The following TEP1 variants were observed in gnomAD, a reference collection of about 807,000 sequenced individuals.
The protein encoded by TEP1 is telomerase protein component 1.
Under a neutral mutation model 306.3 loss-of-function variants are expected in TEP1, and 241 were observed. The ratio of observed to expected loss-of-function variants is 0.79; its 90% confidence interval spans 0.71 to 0.88. The LOEUF is 0.88. TEP1 is among the 40% of genes least tolerant of loss of function. TEP1 has a pLI of 0.00. For synonymous variants in TEP1, 1,289 were observed against 1,305.5 expected (o/e 0.99, Z 0.27); for missense variants, 3,051 against 3,276.1 (o/e 0.93, Z 1.68).
At chr14:20,385,249 T>G in intron 20 of TEP1, 140 bp from the exon 21 acceptor site, 3 of 990,728 alleles carry the variant, frequency 3.0e-6, no homozygotes, top group Non-Finnish European at 4.3e-6. Flanking sequence ...ATATAGCTAA[T>G]AGCTAATGTT....
At chr14:20,408,515 T>A (rs894624162) in intron 1 of TEP1, 52 bp from the exon 2 acceptor site, 22 of 1,413,438 alleles carry the variant, frequency 1.6e-5, no homozygotes, top group Non-Finnish European at 2.0e-5. Flanking sequence ...TGAGCGTGTA[T>A]TTGCATGAGA....
At chr14:20,404,147 G>A (rs776444186) in intron 5 of TEP1, among the ~76,000 whole-genome samples, 10 of 152,114 alleles carry the variant, frequency 6.6e-5, no homozygotes, top group Non-Finnish European at 1.2e-4. Flanking sequence ...CTGAGGTCAG[G>A]CGTTCAAGAC....
At chr14:20,406,746 C>G (rs530561169) in intron 2 of TEP1, among the ~76,000 whole-genome samples, 1 of 152,286 alleles carries the variant, frequency 6.6e-6, no homozygotes, top group East Asian at 1.9e-4. Context: ...AGGGCAAAGC[C>G]CCATATTAAT....
At chr14:20,391,561 C>G (rs1877720373) in intron 13 of TEP1, 38 bp downstream of exon 13, 3 of 1,587,654 alleles carry the variant, frequency 1.9e-6, no homozygotes, top group Non-Finnish European at 2.6e-6. Flanking sequence ...AGCATTCTAC[C>G]AACCCAACCC....
rs532418954 is a variant in TEP1, at chr14:20,369,254, C to T, written c.7656+90G>A. 47 of 1,342,996 alleles carry T rather than the reference C, an allele frequency of 3.5e-5. No individual in the cohort carries two copies. The African/African-American group carries it at 4.6e-4, about 13-fold the overall frequency. 83.2% of individuals were successfully genotyped at this position (1,342,996 alleles called of 1,614,324 possible). ...TGATCTCCTGACCTCATTATCTGCC[C>T]GCCTAGGCCTCCCAAAGTGCTGGGA... On this transcript the variant is annotated intron_variant, in intron 53 of 54. Transcript: ENST00000262715.
At chr14:20,409,617 G>C (rs906456541) in intron 1 of TEP1, among the ~76,000 whole-genome samples, 1 of 152,120 alleles carries the variant, frequency 6.6e-6, no homozygotes, top group Non-Finnish European at 1.5e-5. Flanking sequence ...TTGCCCACTG[G>C]AGTTGGAAGT....
chr14:20,395,929 C>T lies in TEP1; in HGVS notation c.1680G>A (p.Arg560=). ...CGTTAAGAAATCTGAATGGAAACTGCCGACTGTGGATCACCGACTTCTAGA... is the reference window on the plus strand; with the variant it reads ...CGTTAAGAAATCTGAATGGAAACTGTCGACTGTGGATCACCGACTTCTAGA... ...LQHAKSVIHS[R]QFPFRFLNAH... is the part of the protein sequence containing the mutation. The change falls in exon 11 of 55, where the codon CGG becomes CGA. Residue 560 remains arginine (R), a synonymous_variant. Coordinates refer to ENST00000262715, the MANE Select transcript of TEP1 (RefSeq NM_007110.5). 1 of 1,613,956 alleles carries T rather than the reference C, an allele frequency of 6.2e-7. No homozygotes were observed. Among genetic ancestry groups the T allele is most frequent in the Middle Eastern group, 1.6e-4 (1 of 6,062 alleles).
intron 1 of TEP1, among the ~76,000 whole-genome samples, chr14:20,410,729 T>C (rs909460973): frequency 1.0e-4 from 15 of 145,840 alleles, no homozygotes; most frequent in Admixed American, 4.1e-4. Flanking sequence ...TGTGAGCCAC[T>C]GTGCCTGGCG....
At chr14:20,380,886 G>A in intron 33 of TEP1, 45 bp downstream of exon 33, 1 of 1,521,878 alleles carries the variant, frequency 6.6e-7, no homozygotes, top group Non-Finnish European at 9.1e-7. Context: ...GCACACCCAG[G>A]AGTCCCATAT....
At chr14:20,385,169 C>G in intron 20 of TEP1, 60 bp from the exon 21 acceptor site, 1 of 1,598,784 alleles carries the variant, frequency 6.3e-7, no homozygotes, top group Non-Finnish European at 8.5e-7. Flanking sequence ...TCCCTCCAGA[C>G]CTGCCAAGGC....
At chr14:20,398,045 G>T (rs1878347466) in intron 9 of TEP1, among the ~76,000 whole-genome samples, 1 of 151,656 alleles carries the variant, frequency 6.6e-6, no homozygotes, top group African/African-American at 2.4e-5. Context: ...GAGCCACCAT[G>T]CCCAGCCCAT....
chr14:20,376,375 C>T (rs1885178702), intron 41 of TEP1, 111 bp from the exon 42 acceptor site: 2 of 1,133,396 alleles, frequency 1.8e-6, no homozygotes, highest in Admixed American at 5.3e-5. Context: ...ACCTGAGGCT[C>T]AGCTCCATGG....
At chr14:20,407,802 A>T in intron 2 of TEP1, 71 bp downstream of exon 2, 1 of 1,328,834 alleles carries the variant, frequency 7.5e-7, no homozygotes, top group Non-Finnish European at 1.0e-6. Flanking sequence ...GGAAACTGAG[A>T]CACTGAAAGC....
Position 20,390,945 on chromosome 14 carries a change from T to C in TEP1, c.2249A>G (p.Gln750Arg). ...GGGTGTTGAGTGTCTGACCTGGACT[T>C]GAGCCTGGAGCTTGATGGCAGTCTT... ...ILKTAIKLQA[Q>R]VQEFDENDGW... Residue 750 changes from glutamine (Q) to arginine (R), a missense_variant, in exon 14 of 55, where the codon CAA becomes CGA. Gln to Arg is a conservative substitution (Grantham distance 43, BLOSUM62 1). Coordinates refer to ENST00000262715, the MANE Select transcript of TEP1 (RefSeq NM_007110.5). 1 of 1,614,126 alleles carries C rather than the reference T, an allele frequency of 6.2e-7. No homozygotes were observed.
intron 47 of TEP1, 32 bp from the exon 48 acceptor site, chr14:20,373,179 C>T (rs1347390918): frequency 1.2e-5 from 19 of 1,613,800 alleles, no homozygotes; most frequent in Non-Finnish European, 1.5e-5. Flanking sequence ...TCATTAGGAG[C>T]TGGGATACTG....
Position 20,378,051 on chromosome 14 carries a change from C to T in TEP1, c.5694G>A (p.Gln1898=). 1 of 1,613,738 alleles carries T rather than the reference C, an allele frequency of 6.2e-7. No individual in the cohort carries two copies. Among genetic ancestry groups the T allele is most frequent in the South Asian group, 1.1e-5 (1 of 91,078 alleles). The change falls in exon 39 of 55, where the codon CAG becomes CAA. Residue 1898 remains glutamine (Q), a synonymous_variant. Transcript: ENST00000262715. ...TGCCATCCTCTCCAGCCGTCAGTAA[C>T]TGGCAACCCGCATGCAGGAAAAGCG... is the stretch of plus-strand genomic sequence containing the variant. ...AAALFLHAGC[Q]LLTAGEDGKV...
At position 20,379,949 on chromosome 14, in the gene TEP1, A is replaced by G. The variant is rs752140895; in HGVS notation, c.5108T>C (p.Leu1703Ser). Residue 1703 changes from leucine (L) to serine (S), a missense_variant, in exon 35 of 55, where the codon TTG (leucine) becomes TCG (serine). Leu to Ser is a moderately radical substitution (Grantham distance 145). This residue lies in a region of TEP1 where 1,540 missense variants were observed against 1,705.9 expected (regional missense o/e 0.90). Coordinates refer to ENST00000262715, the MANE Select transcript of TEP1 (RefSeq NM_007110.5). ...VGTANGTVYLLDLRTWQEEKS... is the reference protein window; with the variant it reads ...VGTANGTVYLSDLRTWQEEKS... ...TCATACCTGCCAAGTTCTCAGGTCC[A>G]ACAGGTAAACTGTCCCATTGGCAGT... The G allele has an allele frequency of 3.1e-6, 5 of 1,613,076 alleles. No individual in the cohort carries two copies. In the African/African-American group the frequency reaches 5.3e-5, roughly 17 times the overall value.
At chr14:20,378,597 G>A in intron 37 of TEP1, 62 bp from the exon 38 acceptor site, 1 of 1,608,690 alleles carries the variant, frequency 6.2e-7, no homozygotes, top group Non-Finnish European at 8.5e-7. Context: ...CTCAGTCCCA[G>A]ACCTCCAGGA....
chr14:20,382,225 A>G lies in TEP1; in HGVS notation c.4272T>C (p.Ser1424=), dbSNP rs765523532. ...AACCAACCCACCCCAAGCACTGACC[A>G]CTCCGTGTGACTTCTAGGGCAGTCA... ...QALTALEVTR[S]GLTVDQLHGV... is the part of the protein sequence containing the mutation. The change falls in exon 29 of 55, where the codon AGT becomes AGC. Residue 1424 remains serine, a splice_region_variant and synonymous_variant. Coordinates refer to ENST00000262715, the MANE Select transcript of TEP1 (RefSeq NM_007110.5). The G allele has an allele frequency of 5.0e-6, 8 of 1,613,294 alleles. No individual in the cohort carries two copies. In the African/African-American group the frequency reaches 6.7e-5, roughly 14 times the overall value.
Sources: gnomAD v4.1 joint callset for allele counts (sites outside exome capture counted in the v4.1 genomes callset) on GRCh38, gnomAD v4.1.1 for gene constraint, gnomAD v4.1.1 regional missense constraint, MANE v1.5 for transcripts, NCBI Gene and HGNC (gene_info 2026-07-23, HGNC 2026-07-21) for gene names.